Variants in MARCHF8 observed in about 807,000 individuals in gnomAD.
MARCHF8 encodes the protein membrane associated ring-CH-type finger 8, also known as E3 ubiquitin-protein ligase MARCHF8.
Under a neutral mutation model 51.6 loss-of-function variants are expected in MARCHF8, and 40 were observed. That is an observed-to-expected ratio of 0.77 (90% CI 0.60 to 1.01). The LOEUF is 1.01. Ranked by LOEUF, MARCHF8 falls within the 50% of genes least tolerant of loss-of-function variation. MARCHF8 has a pLI of 0.00. For synonymous variants in MARCHF8, 263 were observed against 280.3 expected, an observed-to-expected ratio of 0.94 and a Z score of 0.62; for missense variants, 685 against 708.6, an observed-to-expected ratio of 0.97 and a Z score of 0.38.
chr10:45,534,086 G>A (rs1249666958), intron 1 of MARCHF8, among the ~76,000 whole-genome samples: 4 of 152,136 alleles, frequency 2.6e-5, no homozygotes, highest in East Asian at 1.9e-4. Context: ...AGGAGGCTGA[G>A]GCAGGAGAAT....
chr10:45,543,435 T>C (rs1278369592), intron 1 of MARCHF8, among the ~76,000 whole-genome samples: 1 of 152,170 alleles, frequency 6.6e-6, no homozygotes, highest in African/African-American at 2.4e-5. Flanking sequence ...CTTTAAAAGA[T>C]ACCATTAATA....
chr10:45,533,018 A>G, intron 2 of MARCHF8, 92 bp downstream of exon 2: 1 of 939,914 alleles, frequency 1.1e-6, no homozygotes, highest in Non-Finnish European at 1.5e-6. Flanking sequence ...ATCAGAGAAA[A>G]CCTGACCTTT....
intron 2 of MARCHF8, among the ~76,000 whole-genome samples, chr10:45,498,826 C>A (rs7923355): frequency 1.2e-3 from 185 of 152,226 alleles, no homozygotes; most frequent in African/African-American, 3.5e-3. Context: ...AATAAATGTA[C>A]CATATTTTAT....
At chr10:45,479,766 T>G (rs2042852538) in intron 3 of MARCHF8, among the ~76,000 whole-genome samples, 1 of 152,212 alleles carries the variant, frequency 6.6e-6, no homozygotes. Context: ...ACTTTAAAAA[T>G]TATCCAGTCT....
chr10:45,478,780 T>C (rs1403296827), intron 3 of MARCHF8, among the ~76,000 whole-genome samples: 2 of 152,102 alleles, frequency 1.3e-5, no homozygotes, highest in Non-Finnish European at 2.9e-5. Flanking sequence ...AGGAAATGGA[T>C]AGACACATAA....
chr10:45,467,840 AT>A (rs1245719755), intron 3 of MARCHF8, among the ~76,000 whole-genome samples: 1 of 152,198 alleles, frequency 6.6e-6, no homozygotes, highest in Non-Finnish European at 1.5e-5. Context: ...ACAATTACTA[AT>A]AAAAGTGCAA....
intron 2 of MARCHF8, among the ~76,000 whole-genome samples, chr10:45,496,418 C>A (rs957011510): frequency 6.6e-6 from 1 of 152,004 alleles, no homozygotes; most frequent in African/African-American, 2.4e-5. Flanking sequence ...ATACTAATAT[C>A]AGACGAAACA....
intron 1 of MARCHF8, among the ~76,000 whole-genome samples, chr10:45,547,327 G>GA (rs1425980149): frequency 2.0e-5 from 3 of 152,130 alleles, no homozygotes; most frequent in Non-Finnish European, 4.4e-5. Flanking sequence ...TGCCAGGAGG[G>GA]AGAGAAACTT....
At chr10:45,489,646 G>A (rs1168350761) in intron 2 of MARCHF8, among the ~76,000 whole-genome samples, 3 of 152,050 alleles carry the variant, frequency 2.0e-5, no homozygotes, top group Admixed American at 6.6e-5. Context: ...TTATTTAAGA[G>A]ATTTAATTTT....
At chr10:45,476,671 A>AAC (rs1554807575) in intron 3 of MARCHF8, among the ~76,000 whole-genome samples, 5 of 151,810 alleles carry the variant, frequency 3.3e-5, no homozygotes, top group African/African-American at 9.7e-5. Flanking sequence ...AAAAAAAAAA[A>AAC]CAAACAGAAA....
chr10:45,515,545 CT>C (rs1402066748), intron 2 of MARCHF8, among the ~76,000 whole-genome samples: 1 of 152,154 alleles, frequency 6.6e-6, no homozygotes, highest in Non-Finnish European at 1.5e-5. Flanking sequence ...GTTTTATAAA[CT>C]TCTAGTTCCT....
At chr10:45,477,047 T>G (rs945836915) in intron 3 of MARCHF8, among the ~76,000 whole-genome samples, 10 of 152,102 alleles carry the variant, frequency 6.6e-5, no homozygotes, top group Admixed American at 5.9e-4. Context: ...CACAGCACAT[T>G]ATATAGTCAA....
At chr10:45,562,147 A>G (rs1264611100) in intron 1 of MARCHF8, among the ~76,000 whole-genome samples, 2 of 152,176 alleles carry the variant, frequency 1.3e-5, no homozygotes, top group African/African-American at 4.8e-5. Context: ...TAAGGGACAT[A>G]AAGAATAGAC....
At chr10:45,517,063 G>A (rs2043631580) in intron 2 of MARCHF8, among the ~76,000 whole-genome samples, 1 of 152,190 alleles carries the variant, frequency 6.6e-6, no homozygotes, top group Non-Finnish European at 1.5e-5. Flanking sequence ...AGACAGTTTG[G>A]CACAATGGTG....
At chr10:45,529,698 ATT>A (rs1288704662) in intron 2 of MARCHF8, among the ~76,000 whole-genome samples, 1 of 152,236 alleles carries the variant, frequency 6.6e-6, no homozygotes, top group African/African-American at 2.4e-5. Context: ...GCCAAGAAAC[ATT>A]TAAAAAGTTA....
chr10:45,525,360 AATT>A lies in MARCHF8; in HGVS notation c.102+7747_102+7749del, dbSNP rs1406449032. On this transcript the variant is annotated intron_variant, in intron 2 of 7. Transcript: ENST00000453424. ...TACTTTAAATATAAGTTGATCATTGAATTACCTTCTTACTTATCACCTTTCAGG... is the reference window on the plus strand; with the variant it reads ...TACTTTAAATATAAGTTGATCATTGAACCTTCTTACTTATCACCTTTCAGG... Among the ~76,000 whole-genome samples the A allele has an allele frequency of 2.0e-5, 3 of 152,206 alleles. No individual in the cohort carries two copies. In the East Asian group the frequency reaches 5.8e-4, roughly 29 times the overall value.
At chr10:45,572,841 C>T (rs543996199) in intron 1 of MARCHF8, among the ~76,000 whole-genome samples, 1 of 152,066 alleles carries the variant, frequency 6.6e-6, no homozygotes, top group Non-Finnish European at 1.5e-5. Flanking sequence ...AAAACTCCAG[C>T]GCTGGTCATG....
chr10:45,544,974 A>C (rs1444481726), intron 1 of MARCHF8, among the ~76,000 whole-genome samples: 1 of 151,988 alleles, frequency 6.6e-6, no homozygotes, highest in African/African-American at 2.4e-5. Context: ...ACCTCCCAGC[A>C]CCTTACCATC....
intron 1 of MARCHF8, among the ~76,000 whole-genome samples, chr10:45,580,003 C>CAAA (rs34446338): frequency 2.7e-4 from 10 of 36,434 alleles, no homozygotes; most frequent in Non-Finnish European, 5.0e-4. Context: ...ACTCCGTCTC[C>CAAA]AAAAAAAAAA....
Sources: allele counts gnomAD v4.1 joint callset (sites outside exome capture counted in the v4.1 genomes callset), GRCh38; gene constraint gnomAD v4.1.1; transcripts MANE v1.5; gene names NCBI Gene and HGNC (gene_info 2026-07-23, HGNC 2026-07-21).